The following NOS1AP variants were observed in gnomAD, a reference collection of about 807,000 sequenced individuals.
NOS1AP encodes the protein nitric oxide synthase 1 adaptor protein.
A neutral mutation model predicts 56.2 loss-of-function variants in NOS1AP; 21 were observed. The observed-to-expected ratio is 0.37, with a 90% confidence interval of 0.26 to 0.54. The LOEUF (loss-of-function observed/expected upper bound fraction) is 0.54, where lower values mean the gene tolerates loss of function less well. Ranked by LOEUF, NOS1AP falls within the 20% of genes least tolerant of loss-of-function variation. The pLI is 0.84. For synonymous variants in NOS1AP, 270 were observed against 274.6 expected, an observed-to-expected ratio of 0.98 and a Z score of 0.17; for missense variants, 522 against 657.8, an observed-to-expected ratio of 0.79 and a Z score of 2.26.
intron 8 of NOS1AP, among the ~76,000 whole-genome samples, chr1:162,362,479 GAAAAGA>G (rs1657937769): frequency 5.7e-5 from 2 of 35,282 alleles, no homozygotes; most frequent in South Asian, 1.6e-3. Context: ...AAGAAAGAAA[GAAAAGA>G]AAAGAAAAGA....
intron 6 of NOS1AP, among the ~76,000 whole-genome samples, chr1:162,352,437 A>G (rs1366120808): frequency 6.7e-6 from 1 of 148,172 alleles, no homozygotes; most frequent in African/African-American, 2.5e-5. Flanking sequence ...TTTTTTTCTG[A>G]CATTCCATGA....
chr1:162,176,025 C>T (rs537128370), intron 2 of NOS1AP, among the ~76,000 whole-genome samples: 1 of 152,256 alleles, frequency 6.6e-6, no homozygotes, highest in East Asian at 1.9e-4. Flanking sequence ...TGTACAGACT[C>T]CACTGATTTC....
chr1:162,263,296 G>A (rs1006622047), intron 2 of NOS1AP, among the ~76,000 whole-genome samples: 1 of 152,166 alleles, frequency 6.6e-6, no homozygotes, highest in African/African-American at 2.4e-5. Context: ...CACGGTACTG[G>A]CCTCTGGCAA....
chr1:162,290,156 A>G (rs1436586077), intron 3 of NOS1AP, among the ~76,000 whole-genome samples: 1 of 152,154 alleles, frequency 6.6e-6, no homozygotes, highest in Non-Finnish European at 1.5e-5. Flanking sequence ...GTGTGGCTTC[A>G]TCGTCCTGCT....
intron 1 of NOS1AP, among the ~76,000 whole-genome samples, chr1:162,143,695 C>A (rs1398658225): frequency 6.6e-6 from 1 of 152,114 alleles, no homozygotes; most frequent in Non-Finnish European, 1.5e-5. Flanking sequence ...CTCTTGGGCT[C>A]AAGTGATCCC....
intron 1 of NOS1AP, among the ~76,000 whole-genome samples, chr1:162,105,435 G>A (rs1310732835): frequency 6.6e-6 from 1 of 152,210 alleles, no homozygotes; most frequent in African/African-American, 2.4e-5. Flanking sequence ...GGTAGAGCAG[G>A]TATGCTGCAT....
chr1:162,205,483 G>T (rs980915018), intron 2 of NOS1AP, among the ~76,000 whole-genome samples: 16 of 152,300 alleles, frequency 1.1e-4, no homozygotes, highest in South Asian at 2.1e-4. Context: ...AGTGAATGGG[G>T]ATCAAAGAAA....
chr1:162,358,949 C>T (rs1657796330), intron 8 of NOS1AP, among the ~76,000 whole-genome samples: 1 of 152,170 alleles, frequency 6.6e-6, no homozygotes, highest in Non-Finnish European at 1.5e-5. Context: ...TCCAAAGCAA[C>T]AAGACATGTA....
chr1:162,167,672 G>A lies in NOS1AP; in HGVS notation c.177+13196G>A, dbSNP rs374497993. 2.2e-3 allele frequency among the ~76,000 whole-genome samples: 336 copies of A among 152,302 alleles called. 3 individuals carry two copies. The highest frequency in any genetic ancestry group is 7.5e-3 in the African/African-American group (313 of 41,554). Reference sequence around the variant, plus strand: ...TTGGGGCAGCCCTGCTATCTGAGGGGGTCTCTCCCGAGCCGCTAAGACATA... The same window carrying A: ...TTGGGGCAGCCCTGCTATCTGAGGGAGTCTCTCCCGAGCCGCTAAGACATA... On this transcript the variant is annotated intron_variant, in intron 2 of 9. Coordinates refer to ENST00000361897, the MANE Select transcript of NOS1AP (RefSeq NM_014697.3).
intron 2 of NOS1AP, among the ~76,000 whole-genome samples, chr1:162,155,641 C>G (rs1422575352): frequency 6.6e-6 from 1 of 152,042 alleles, no homozygotes; most frequent in Non-Finnish European, 1.5e-5. Context: ...ATGGTTCAGT[C>G]TGTGAACTTG....
At chr1:162,082,331 A>G (rs772643066) in intron 1 of NOS1AP, among the ~76,000 whole-genome samples, 3 of 152,122 alleles carry the variant, frequency 2.0e-5, no homozygotes, top group Non-Finnish European at 4.4e-5. Context: ...TACCTAGTCT[A>G]TCTATCATTG....
chr1:162,171,635 G>C (rs1043328708), intron 2 of NOS1AP, among the ~76,000 whole-genome samples: 4 of 152,140 alleles, frequency 2.6e-5, no homozygotes, highest in African/African-American at 9.7e-5. Context: ...TGGGGACTAA[G>C]GATCCTGTAA....
intron 1 of NOS1AP, among the ~76,000 whole-genome samples, chr1:162,088,586 A>T (rs1396519185): frequency 6.6e-6 from 1 of 152,146 alleles, no homozygotes; most frequent in African/African-American, 2.4e-5. Flanking sequence ...ATACTTGGGG[A>T]TACAAAACCA....
intron 1 of NOS1AP, among the ~76,000 whole-genome samples, chr1:162,102,384 C>T (rs1211372658): frequency 6.6e-6 from 1 of 152,160 alleles, no homozygotes; most frequent in Non-Finnish European, 1.5e-5. Flanking sequence ...TGATGTTCAT[C>T]AAGGATATTG....
intron 4 of NOS1AP, among the ~76,000 whole-genome samples, chr1:162,318,715 T>A (rs1656311199): frequency 6.6e-6 from 1 of 152,024 alleles, no homozygotes. Context: ...TAAATCCCAG[T>A]CTATGCTCCT....
intron 1 of NOS1AP, among the ~76,000 whole-genome samples, chr1:162,121,119 A>T (rs1380545487): frequency 1.5e-5 from 2 of 133,444 alleles, no homozygotes; most frequent in Admixed American, 7.8e-5. Flanking sequence ...GAAAAACTGC[A>T]TTTGAGAGGG....
intron 2 of NOS1AP, among the ~76,000 whole-genome samples, chr1:162,240,261 G>GTC (rs1653449439): frequency 6.9e-6 from 1 of 143,978 alleles, no homozygotes; most frequent in African/African-American, 2.5e-5. Flanking sequence ...GTGTGTGTGT[G>GTC]TGTGTGTGTG....
intron 1 of NOS1AP, among the ~76,000 whole-genome samples, chr1:162,120,139 G>A (rs555616163): frequency 1.1e-4 from 17 of 151,612 alleles, no homozygotes; most frequent in African/African-American, 1.5e-4. Context: ...ACACATGTAT[G>A]TGTATATATA....
chr1:162,074,010 G>A (rs1691718628), intron 1 of NOS1AP, among the ~76,000 whole-genome samples: 1 of 152,158 alleles, frequency 6.6e-6, no homozygotes. Flanking sequence ...GACTTTTAAT[G>A]CTATGGGTAC....
Sources: gnomAD v4.1 joint callset for allele counts (sites outside exome capture counted in the v4.1 genomes callset) on GRCh38, gnomAD v4.1.1 for gene constraint, MANE v1.5 for transcripts, NCBI Gene and HGNC (gene_info 2026-07-23, HGNC 2026-07-21) for gene names.